PID1: variants seen among roughly 807,000 people sequenced by gnomAD.
PID1 encodes the protein phosphotyrosine interaction domain containing 1, also known as PTB-containing, cubilin and LRP1-interacting protein.
Under a neutral mutation model 19.1 loss-of-function variants are expected in PID1, and 10 were observed. The observed-to-expected ratio is 0.52, with a 90% CI of 0.32 to 0.89. The LOEUF (loss-of-function observed/expected upper bound fraction) is 0.89, where lower values mean the gene tolerates loss of function less well. PID1 is among the 40% of genes least tolerant of loss of function. The pLI is 0.03. For synonymous variants in PID1, 130 were observed against 116.0 expected (o/e 1.12, Z -0.78); for missense variants, 248 against 285.3 (o/e 0.87, Z 0.94).
chr2:229,135,731 A>G (rs1468708921), intron 2 of PID1, among the ~76,000 whole-genome samples: 1 of 152,234 alleles, frequency 6.6e-6, no homozygotes, highest in East Asian at 1.9e-4. Context: ...AAAACATGTC[A>G]TGTCCAGAAG....
intron 1 of PID1, among the ~76,000 whole-genome samples, chr2:229,168,047 G>T (rs1690638155): frequency 6.6e-6 from 1 of 151,954 alleles, no homozygotes; most frequent in African/African-American, 2.4e-5. Flanking sequence ...TCTTAATTTT[G>T]TTCCTTGTAA....
chr2:229,216,907 G>C (rs188336240), intron 1 of PID1, among the ~76,000 whole-genome samples: 5 of 152,102 alleles, frequency 3.3e-5, no homozygotes, highest in Admixed American at 6.5e-5. Context: ...AAAAGCAAAG[G>C]AGAAGGAAGA....
At chr2:229,187,287 C>T (rs1243702855) in intron 1 of PID1, among the ~76,000 whole-genome samples, 1 of 152,172 alleles carries the variant, frequency 6.6e-6, no homozygotes, top group African/African-American at 2.4e-5. Context: ...AGCAGCACCC[C>T]ACTCCTGGTA....
intron 2 of PID1, among the ~76,000 whole-genome samples, chr2:229,069,639 T>C (rs953028285): frequency 2.0e-5 from 3 of 152,114 alleles, no homozygotes; most frequent in Admixed American, 2.0e-4. Context: ...AAGGCTTCTG[T>C]TAGAGCAGCG....
rs976736596 is a variant in PID1, at chr2:229,232,668, T to C, written c.30+38346A>G. On this transcript the variant is annotated intron_variant, in intron 1 of 2. Transcript: ENST00000392055. Reference sequence around the variant, plus strand: ...CAATTTGTGTGTGTGTGTGTATGCATGTGTGTGCTATGTATGTATACATAC... The same window carrying C: ...CAATTTGTGTGTGTGTGTGTATGCACGTGTGTGCTATGTATGTATACATAC... Among the ~76,000 whole-genome samples the C allele has an allele frequency of 4.0e-5, 6 of 150,644 alleles. No individual in the cohort carries two copies. In the East Asian group the frequency reaches 9.8e-4, roughly 24 times the overall value.
chr2:229,159,666 C>T (rs537282274), intron 1 of PID1, among the ~76,000 whole-genome samples: 7 of 152,228 alleles, frequency 4.6e-5, no homozygotes, highest in Middle Eastern at 3.4e-3. Flanking sequence ...TGGCTGAACC[C>T]CAATTGTTAC....
At chr2:229,238,392 C>T (rs1165348586) in intron 1 of PID1, among the ~76,000 whole-genome samples, 2 of 152,150 alleles carry the variant, frequency 1.3e-5, no homozygotes, top group Non-Finnish European at 2.9e-5. Context: ...AAACCGCAGG[C>T]CAGAGCCCAA....
At chr2:229,139,057 GAGAAAGAAAGAAAGAAAGAAAGAAAGAA>G (rs10701076) in intron 2 of PID1, among the ~76,000 whole-genome samples, 1 of 45,566 alleles carries the variant, frequency 2.2e-5, no homozygotes, top group Non-Finnish European at 4.4e-5. Context: ...AAGAAAGAAA[GAGAAAGAAAGAAAGAAAGAAAGAAAGAA>G]AGAAAGAAAG....
chr2:229,123,690 T>C (rs976963353), intron 2 of PID1, among the ~76,000 whole-genome samples: 12 of 152,192 alleles, frequency 7.9e-5, no homozygotes, highest in Non-Finnish European at 1.6e-4. Context: ...CACTTGTTAT[T>C]ATCTGTCTTT....
intron 1 of PID1, among the ~76,000 whole-genome samples, chr2:229,243,474 A>C (rs1442761260): frequency 1.3e-5 from 2 of 152,092 alleles, no homozygotes; most frequent in Admixed American, 1.3e-4. Context: ...GTAATTACTT[A>C]TCCATAGGTC....
At chr2:229,164,383 G>A (rs1690556995) in intron 1 of PID1, among the ~76,000 whole-genome samples, 1 of 152,030 alleles carries the variant, frequency 6.6e-6, no homozygotes, top group Non-Finnish European at 1.5e-5. Flanking sequence ...GAGGGTGTGA[G>A]TCAGTGAATG....
At chr2:229,135,749 G>A (rs1300591243) in intron 2 of PID1, among the ~76,000 whole-genome samples, 3 of 152,252 alleles carry the variant, frequency 2.0e-5, no homozygotes, top group Non-Finnish European at 2.9e-5. Flanking sequence ...AAGGAACCTG[G>A]GGGCAGAAAA....
At chr2:229,195,585 T>A (rs1691361333) in intron 1 of PID1, among the ~76,000 whole-genome samples, 1 of 152,006 alleles carries the variant, frequency 6.6e-6, no homozygotes, top group South Asian at 2.1e-4. Flanking sequence ...CAATCTTCCC[T>A]ACTTTGTTAA....
At chr2:229,061,521 T>C (rs1694212168) in intron 2 of PID1, among the ~76,000 whole-genome samples, 2 of 152,024 alleles carry the variant, frequency 1.3e-5, no homozygotes, top group African/African-American at 4.8e-5. Flanking sequence ...TTGTAATAGA[T>C]TTTGAAGTCA....
At chr2:229,136,708 C>T (rs2106174068) in intron 2 of PID1, among the ~76,000 whole-genome samples, 1 of 152,286 alleles carries the variant, frequency 6.6e-6, no homozygotes, top group South Asian at 2.1e-4. Context: ...TTATCCAGAA[C>T]CTCAGGGACA....
At chr2:229,200,154 G>A (rs1691467393) in intron 1 of PID1, among the ~76,000 whole-genome samples, 1 of 151,918 alleles carries the variant, frequency 6.6e-6, no homozygotes, top group South Asian at 2.1e-4. Context: ...ACTCATCCTA[G>A]GTCCAACAGG....
At chr2:229,047,066 CA>C (rs1693897173) in intron 2 of PID1, among the ~76,000 whole-genome samples, 1 of 152,200 alleles carries the variant, frequency 6.6e-6, no homozygotes, top group Non-Finnish European at 1.5e-5. Flanking sequence ...TATGGCCCCA[CA>C]AAGCCTGTAG....
At chr2:229,260,086 G>A (rs374749817) in intron 1 of PID1, among the ~76,000 whole-genome samples, 1 of 152,174 alleles carries the variant, frequency 6.6e-6, no homozygotes, top group African/African-American at 2.4e-5. Context: ...CTGCACCTTT[G>A]TCAAAATAAT....
intron 2 of PID1, among the ~76,000 whole-genome samples, chr2:229,118,541 A>T (rs913606013): frequency 6.6e-6 from 1 of 152,222 alleles, no homozygotes; most frequent in Non-Finnish European, 1.5e-5. Flanking sequence ...GGAAAAAGAC[A>T]GTCCTGCTGA....
Sources: gnomAD v4.1 joint callset for allele counts (sites outside exome capture counted in the v4.1 genomes callset) on GRCh38, gnomAD v4.1.1 for gene constraint, MANE v1.5 for transcripts, NCBI Gene and HGNC (gene_info 2026-07-23, HGNC 2026-07-21) for gene names.